The following FBN1 variants were observed in gnomAD, a reference collection of about 807,000 sequenced individuals.
FBN1 encodes fibrillin-1.
A neutral mutation model predicts 365.1 loss-of-function variants in FBN1; 29 were observed. The ratio of observed to expected loss-of-function variants is 0.08; its 90% CI spans 0.06 to 0.11. The LOEUF (loss-of-function observed/expected upper bound fraction) is 0.11. FBN1 is among the 10% of genes least tolerant of loss of function. FBN1 has a pLI of 1.00. For missense variants in FBN1, 2,476 were observed against 3,703.2 expected (o/e 0.67, Z 8.60); for synonymous variants, 1,210 against 1,270.5 (o/e 0.95, Z 1.01).
intron 15 of FBN1, among the ~76,000 whole-genome samples, chr15:48,505,916 C>CAT (rs2043704258): frequency 6.6e-6 from 1 of 152,082 alleles, no homozygotes; most frequent in South Asian, 2.1e-4. Context: ...GGAAAACATA[C>CAT]AACACTTAGA....
intron 9 of FBN1, among the ~76,000 whole-genome samples, chr15:48,522,663 G>C (rs1283117358): frequency 2.0e-5 from 3 of 151,980 alleles, no homozygotes; most frequent in African/African-American, 7.3e-5. Context: ...ATGTCTTGAG[G>C]TTTCAATAAA....
intron 34 of FBN1, 33 bp downstream of exon 34, chr15:48,474,222 G>A: frequency 6.2e-7 from 1 of 1,613,784 alleles, no homozygotes; most frequent in South Asian, 1.1e-5. Context: ...TCTCTGACTA[G>A]TGTTGACACA....
In FBN1 at chr15:48,427,721, G is replaced by T; in HGVS notation, c.7050C>A (p.Ile2350=). The part of the protein sequence containing the change: ...FTEVLQNMCQ[I]GSSNRNPVTK... Reference sequence around the variant, plus strand: ...TGACGGGGTTCCTGTTGCTGGAGCCGATCTGACACATGTTTTGTAGCACCT... The same window carrying T: ...TGACGGGGTTCCTGTTGCTGGAGCCTATCTGACACATGTTTTGTAGCACCT... The change falls in exon 58 of 66, where the codon ATC becomes ATA. Residue 2350 remains isoleucine, a synonymous_variant. Transcript: ENST00000316623. The T allele has an allele frequency of 1.9e-6, 3 of 1,614,064 alleles. No individual in the cohort carries two copies. The highest frequency in any genetic ancestry group is 2.5e-6 in the Non-Finnish European group (3 of 1,179,986).
intron 8 of FBN1, among the ~76,000 whole-genome samples, chr15:48,527,419 G>A (rs2043923856): frequency 6.6e-6 from 1 of 152,168 alleles, no homozygotes; most frequent in African/African-American, 2.4e-5. Flanking sequence ...AGGGCACAGG[G>A]AATCTGCATG....
Position 48,503,817 on chromosome 15 carries a change from G to T in FBN1, c.2083C>A (p.Pro695Thr). The change falls in exon 17 of 66, where the codon CCT becomes ACT. Residue 695 changes from proline (P) to threonine (T), a missense_variant. Transcript: ENST00000316623. Reference protein sequence around the residue: ...CASTEYAFGEPCQPCPAQNSA... With the variant: ...CASTEYAFGETCQPCPAQNSA... ...TTCTGTGCAGGACACGGCTGGCAAG[G>T]TTCCCCAAATGCATACTCAGTGCTG... 6.2e-7 allele frequency: 1 copy of T among 1,614,058 alleles called. No homozygotes were observed. The highest frequency in any genetic ancestry group is 8.5e-7 in the Non-Finnish European group (1 of 1,179,996).
chr15:48,588,222 A>C (rs1225195706), intron 6 of FBN1, among the ~76,000 whole-genome samples: 1 of 152,236 alleles, frequency 6.6e-6, no homozygotes, highest in Non-Finnish European at 1.5e-5. Context: ...TATCTCATAG[A>C]TAATTTTTAA....
intron 6 of FBN1, among the ~76,000 whole-genome samples, chr15:48,591,044 G>C (rs2044472949): frequency 6.6e-6 from 1 of 152,236 alleles, no homozygotes; most frequent in Non-Finnish European, 1.5e-5. Flanking sequence ...GGAGAAATGA[G>C]AGAAAACTTC....
chr15:48,492,606 A>G lies in FBN1; in HGVS notation c.2729-20T>C. The G allele has an allele frequency of 6.8e-7, 1 of 1,475,774 alleles. No homozygotes were observed. The highest frequency in any genetic ancestry group is 9.4e-7 in the Non-Finnish European group (1 of 1,063,336). 91.4% of individuals were successfully genotyped at this position (1,475,774 alleles called of 1,614,324 possible). The stretch of plus-strand genomic sequence containing the variant: ...CTATATCTAAAAAGAAAAAAAAAGT[A>G]TAAAGTTAATATATCTTTATAATAT... On this transcript the variant is annotated intron_variant, in intron 23 of 65. Coordinates refer to ENST00000316623, the MANE Select transcript of FBN1 (RefSeq NM_000138.5).
chr15:48,489,563 T>C (rs1454727786), intron 25 of FBN1, among the ~76,000 whole-genome samples: 1 of 152,266 alleles, frequency 6.6e-6, no homozygotes, highest in East Asian at 1.9e-4. Flanking sequence ...CCATAGCTTT[T>C]GGAAGCAAAA....
intron 6 of FBN1, among the ~76,000 whole-genome samples, chr15:48,551,586 G>A (rs897717837): frequency 1.3e-5 from 2 of 151,862 alleles, no homozygotes; most frequent in Non-Finnish European, 2.9e-5. Flanking sequence ...CTTGTGTCAA[G>A]GGGGTTCGTT....
At position 48,534,012 on chromosome 15, in the gene FBN1, T is replaced by C; in HGVS notation, c.862+68A>G. The C allele has an allele frequency of 6.2e-6, 10 of 1,603,188 alleles. No individual in the cohort carries two copies. The South Asian group carries it at 1.1e-4, about 18-fold the overall frequency. On this transcript the variant is annotated intron_variant, in intron 8 of 65. Coordinates refer to ENST00000316623, the MANE Select transcript of FBN1 (RefSeq NM_000138.5). ...ATTTAGGAATAATTTGCAAACAAGC[T>C]TGTTTCTAATGTTGAGTTTTGCCTG...
chr15:48,483,966 C>T lies in FBN1; in HGVS notation c.3713-23G>A, dbSNP rs1173858921. On this transcript the variant is annotated intron_variant, in intron 30 of 65. Transcript: ENST00000316623. ...TGTCTGCAAAGAATAAAACCAACAA[C>T]CACAGGTTGTTGATATTGGTTCCAC... The T allele has an allele frequency of 3.1e-6, 5 of 1,610,644 alleles. No individual in the cohort carries two copies. In the African/African-American group the frequency reaches 5.3e-5, roughly 17 times the overall value.
intron 6 of FBN1, among the ~76,000 whole-genome samples, chr15:48,556,350 T>A (rs1202193019): frequency 6.6e-6 from 1 of 152,168 alleles, no homozygotes; most frequent in East Asian, 1.9e-4. Context: ...CATGGCAGAT[T>A]CGAAATCCAG....
chr15:48,487,972 A>T, intron 27 of FBN1, 141 bp downstream of exon 27: 1 of 1,106,764 alleles, frequency 9.0e-7, no homozygotes, highest in Non-Finnish European at 1.4e-6. Context: ...TTTCTACCTC[A>T]GTCTCCCTCT....
At chr15:48,613,200 T>C in intron 2 of FBN1, 108 bp from the exon 3 acceptor site, 2 of 827,584 alleles carry the variant, frequency 2.4e-6, no homozygotes, top group Non-Finnish European at 4.1e-6. Flanking sequence ...AGATGAATCC[T>C]GGCAGACAGA....
Position 48,437,776 on chromosome 15 carries a change from T to G in FBN1, c.6305A>C (p.Glu2102Ala). The change falls in exon 51 of 66, where the codon GAA (glutamate) becomes GCA (alanine). Residue 2102 changes from glutamate to alanine, a missense_variant. Coordinates refer to ENST00000316623, the MANE Select transcript of FBN1 (RefSeq NM_000138.5). ...GCAGATGACAGACATACCATCAGGT[T>G]CCGTGGGGCAGAGCTCGCAGGGGTC... Reference protein sequence around the residue: ...WGDPCELCPTEPDEAFRQICP... With the variant: ...WGDPCELCPTAPDEAFRQICP... 1.2e-6 allele frequency: 2 copies of G among 1,613,730 alleles called. No individual in the cohort carries two copies. The highest frequency in any genetic ancestry group is 1.7e-6 in the Non-Finnish European group (2 of 1,179,818).
rs115345492 is a variant in FBN1, at chr15:48,556,173, G to C, written c.539-18365C>G. On this transcript the variant is annotated intron_variant, in intron 6 of 65. Coordinates refer to ENST00000316623, the MANE Select transcript of FBN1 (RefSeq NM_000138.5). ...TAATGGGGTAAGGCTGTAGGTGAGTGCAACAAACCTCACGAACCTCAAAGG... is the reference window on the plus strand; with the variant it reads ...TAATGGGGTAAGGCTGTAGGTGAGTCCAACAAACCTCACGAACCTCAAAGG... 6.0e-3 allele frequency among the ~76,000 whole-genome samples: 919 copies of C among 152,268 alleles called. 6 individuals carry two copies. Among genetic ancestry groups the C allele is most frequent in the African/African-American group, 0.021 (887 of 41,538 alleles).
chr15:48,510,756 G>T (rs539008527), intron 13 of FBN1, among the ~76,000 whole-genome samples: 1 of 152,010 alleles, frequency 6.6e-6, no homozygotes, highest in East Asian at 1.9e-4. Flanking sequence ...ATTCTATGAG[G>T]GTATTTTTCC....
Position 48,452,776 on chromosome 15 carries a change from T to G in FBN1, c.5423-92A>C, listed in dbSNP as rs180835956. 4 of 1,420,366 alleles carry G rather than the reference T, an allele frequency of 2.8e-6. No individual in the cohort carries two copies. In the African/African-American group the frequency reaches 5.6e-5, roughly 20 times the overall value. 88.0% of individuals were successfully genotyped at this position (1,420,366 alleles called of 1,614,324 possible). On this transcript the variant is annotated intron_variant, in intron 44 of 65. Transcript: ENST00000316623. ...ACATGAAAACAAATTTATATTTTAT[T>G]TTGATCTGTTCTATTGAAAAGACAA...
Sources: allele counts gnomAD v4.1 joint callset (sites outside exome capture counted in the v4.1 genomes callset), GRCh38; gene constraint gnomAD v4.1.1; transcripts MANE v1.5; gene names NCBI Gene and HGNC (gene_info 2026-07-23, HGNC 2026-07-21).